RASSF3: variants seen among roughly 807,000 people sequenced by gnomAD.
RASSF3 encodes the protein Ras association domain family member 3, also known as ras association domain-containing protein 3.
Under a neutral mutation model 19.9 loss-of-function variants are expected in RASSF3, and 19 were observed. The observed-to-expected ratio is 0.96, with a 90% CI of 0.67 to 1.40. RASSF3 has a LOEUF of 1.40. RASSF3 is among the 40% of genes most tolerant of loss of function. The probability of loss-of-function intolerance (pLI) is 0.00; values close to 1 mark genes in which losing one functional copy is unlikely to be tolerated. For synonymous variants in RASSF3, 110 were observed against 104.2 expected (o/e 1.06, Z -0.34); for missense variants, 306 against 289.8 (o/e 1.06, Z -0.41).
At chr12:64,673,970 T>C (rs575540236) in intron 1 of RASSF3, among the ~76,000 whole-genome samples, 2 of 152,000 alleles carry the variant, frequency 1.3e-5, no homozygotes, top group South Asian at 4.2e-4. Flanking sequence ...TACAACCATA[T>C]AGGGTATGGA....
chr12:64,603,225 A>T (rs1029114338), intron 2 of RASSF3, among the ~76,000 whole-genome samples: 38 of 152,108 alleles, frequency 2.5e-4, no homozygotes, highest in African/African-American at 8.9e-4. Context: ...GGTAATTATG[A>T]CTTGGTCAGA....
chr12:64,553,006 C>A (rs1046228694), intron 2 of RASSF3, among the ~76,000 whole-genome samples: 1 of 152,004 alleles, frequency 6.6e-6, no homozygotes, highest in African/African-American at 2.4e-5. Context: ...GTCAGGAGAT[C>A]GAGACCAGCC....
At chr12:64,640,210 TTGA>T (rs1273342128) in intron 1 of RASSF3, among the ~76,000 whole-genome samples, 1 of 152,196 alleles carries the variant, frequency 6.6e-6, no homozygotes, top group African/African-American at 2.4e-5. Flanking sequence ...TATATACAGT[TTGA>T]TGAGTTTGGA....
intron 1 of RASSF3, among the ~76,000 whole-genome samples, chr12:64,644,942 C>T (rs1165620344): frequency 2.0e-5 from 3 of 151,694 alleles, no homozygotes; most frequent in African/African-American, 7.3e-5. Flanking sequence ...AGCATGGTGC[C>T]GTGTGCCAGT....
chr12:64,685,566 G>A (rs1024878707), intron 2 of RASSF3, among the ~76,000 whole-genome samples: 3 of 152,118 alleles, frequency 2.0e-5, no homozygotes, highest in African/African-American at 7.2e-5. Context: ...AAATAAATAT[G>A]GAAGTGTCAG....
chr12:64,605,887 CAAAAAAAAA>C (rs34242846), upstream of RASSF3, among the ~76,000 whole-genome samples: 1 of 82,400 alleles, frequency 1.2e-5, no homozygotes, highest in Non-Finnish European at 2.4e-5. Context: ...AACTCCGTCT[CAAAAAAAAA>C]AAAAAAAAAA....
intron 2 of RASSF3, among the ~76,000 whole-genome samples, chr12:64,555,958 T>C (rs376008360): frequency 5.9e-5 from 9 of 151,628 alleles, no homozygotes; most frequent in African/African-American, 2.2e-4. Context: ...TCTGCATAGG[T>C]TGGGTCATCA....
At chr12:64,591,943 C>T (rs1018154901) in intron 2 of RASSF3, among the ~76,000 whole-genome samples, 1 of 151,704 alleles carries the variant, frequency 6.6e-6, no homozygotes, top group Non-Finnish European at 1.5e-5. Flanking sequence ...ACTGTGTCCC[C>T]TAGGCTAGAG....
rs145490019 is a variant in RASSF3, at chr12:64,582,552, C to T, written c.294+40847C>T. Among the ~76,000 whole-genome samples, 278 of 152,272 alleles carry T rather than the reference C, an allele frequency of 1.8e-3. 1 individual carries two copies. Among genetic ancestry groups the T allele is most frequent in the African/African-American group, 6.4e-3 (265 of 41,552 alleles). ...GACATTCAGATTGGAAACAAAGTCT[C>T]GTCAGTTACAATCCATTTTGGCACA... On this transcript the variant is annotated intron_variant, in intron 2 of 5. Coordinates refer to the RASSF3 transcript ENST00000637125.
intron 1 of RASSF3, among the ~76,000 whole-genome samples, chr12:64,540,639 A>G (rs1001074185): frequency 3.3e-5 from 5 of 152,260 alleles, no homozygotes; most frequent in African/African-American, 1.2e-4. Flanking sequence ...GATATATGCT[A>G]CAACATGTAT....
intron 2 of RASSF3, among the ~76,000 whole-genome samples, chr12:64,601,946 T>C (rs558460237): frequency 8.7e-4 from 132 of 151,482 alleles, no homozygotes; most frequent in African/African-American, 3.0e-3. Flanking sequence ...TGAAACCCCG[T>C]CTCTACTAAA....
At chr12:64,681,730 G>C (rs1182218972) in intron 1 of RASSF3, among the ~76,000 whole-genome samples, 1 of 152,108 alleles carries the variant, frequency 6.6e-6, no homozygotes, top group Non-Finnish European at 1.5e-5. Flanking sequence ...AACTTCATTG[G>C]GGCTCAGTGC....
chr12:64,594,304 A>C (rs989886903), intron 2 of RASSF3, among the ~76,000 whole-genome samples: 2 of 152,146 alleles, frequency 1.3e-5, no homozygotes, highest in African/African-American at 4.8e-5. Context: ...CCTGCACTCC[A>C]GCCTGGGTGA....
chr12:64,676,719 C>T (rs558751086), intron 1 of RASSF3, among the ~76,000 whole-genome samples: 1 of 152,014 alleles, frequency 6.6e-6, no homozygotes, highest in South Asian at 2.1e-4. Context: ...GATCTATCCA[C>T]CTTGGGCTCC....
intron 2 of RASSF3, among the ~76,000 whole-genome samples, chr12:64,553,227 G>T (rs1455252822): frequency 6.6e-6 from 1 of 152,042 alleles, no homozygotes; most frequent in Non-Finnish European, 1.5e-5. Flanking sequence ...TTCCTTTTCG[G>T]TAACTTTGTT....
chr12:64,560,839 T>C (rs549894009), intron 2 of RASSF3, among the ~76,000 whole-genome samples: 1 of 152,296 alleles, frequency 6.6e-6, no homozygotes, highest in African/African-American at 2.4e-5. Flanking sequence ...GCAAAGCAGG[T>C]CTGACCTCTG....
At chr12:64,610,494 T>C (rs1199301583), upstream of RASSF3, 18 of 299,496 alleles carry the variant, frequency 6.0e-5, no homozygotes, top group South Asian at 1.3e-3. Flanking sequence ...CGGGAGAGCC[T>C]GATTGAGCGG....
chr12:64,617,142 A>G (rs916328707), intron 1 of RASSF3, among the ~76,000 whole-genome samples: 5 of 152,126 alleles, frequency 3.3e-5, no homozygotes, highest in Admixed American at 2.6e-4. Flanking sequence ...AATGTACACA[A>G]TGTCTCCCCC....
chr12:64,565,479 G>A (rs542943341), intron 2 of RASSF3, among the ~76,000 whole-genome samples: 23 of 152,240 alleles, frequency 1.5e-4, no homozygotes, highest in Admixed American at 1.4e-3. Context: ...TTGGGAGACC[G>A]AGGGAGGTGG....
Sources: allele counts gnomAD v4.1 joint callset (sites outside exome capture counted in the v4.1 genomes callset), GRCh38; gene constraint gnomAD v4.1.1; transcripts MANE v1.5; gene names NCBI Gene and HGNC (gene_info 2026-07-23, HGNC 2026-07-21).